Variants in EPHA8 observed in about 807,000 individuals in gnomAD.
EPHA8 encodes EPH receptor A8, also known as ephrin type-A receptor 8.
In EPHA8, 58 loss-of-function variants were observed where a neutral mutation model predicts 103.6. The observed-to-expected ratio is 0.56, with a 90% CI of 0.45 to 0.70. The LOEUF (loss-of-function observed/expected upper bound fraction) is 0.70. Ranked by LOEUF, EPHA8 falls within the 30% of genes least tolerant of loss-of-function variation. The pLI is 0.00. For missense variants in EPHA8, 1,304 were observed against 1,395.2 expected (o/e 0.93, Z 1.04); for synonymous variants, 559 against 572.5 (o/e 0.98, Z 0.34).
chr1:22,592,209 C>G (rs1261422583), intron 5 of EPHA8, among the ~76,000 whole-genome samples: 1 of 152,298 alleles, frequency 6.6e-6, no homozygotes, highest in East Asian at 1.9e-4. Flanking sequence ...CCATTCCCCT[C>G]CCGCTCTGGG....
chr1:22,578,701 GTGTGTA>G (rs1335326744), intron 3 of EPHA8, among the ~76,000 whole-genome samples: 1 of 130,716 alleles, frequency 7.7e-6, no homozygotes, highest in African/African-American at 2.5e-5. Context: ...GTGTGCCTGT[GTGTGTA>G]TGTATATGCA....
rs56796524 is a variant in EPHA8, at chr1:22,568,585, C to T, written c.95-704C>T. Among the ~76,000 whole-genome samples, 465 of 152,306 alleles carry T rather than the reference C, an allele frequency of 3.1e-3. 5 individuals are homozygous for T. The highest frequency in any genetic ancestry group is 1.0e-2 in the African/African-American group (414 of 41,578). ...ACTGGCCGCCTCTCAGGTTGTTGTGCGGGGTGCAGATGAGGCATCTCAAGC... is the reference window on the plus strand; with the variant it reads ...ACTGGCCGCCTCTCAGGTTGTTGTGTGGGGTGCAGATGAGGCATCTCAAGC... On this transcript the variant is annotated intron_variant, in intron 1 of 16. Transcript: ENST00000166244.
At position 22,600,822 on chromosome 1, in the gene EPHA8, G is replaced by A. The variant is rs201830273; in HGVS notation, c.2538+12G>A. On this transcript the variant is annotated intron_variant, in intron 14 of 16. Coordinates refer to ENST00000166244, the MANE Select transcript of EPHA8 (RefSeq NM_020526.5). ...TGACCAACCGGGATGTGAGTGCCAA[G>A]CCCTGGCAGGTCCGCGGGCGGTGGA... is the stretch of plus-strand genomic sequence containing the variant. The A allele has an allele frequency of 7.5e-6, 12 of 1,597,870 alleles. No individual in the cohort carries two copies. The highest frequency in any genetic ancestry group is 4.0e-5 in the African/African-American group (3 of 74,684).
rs1374472602 is a variant in EPHA8 at position 22,596,183 on chromosome 1, G to A, written c.1765+10G>A. The A allele has an allele frequency of 1.9e-6, 3 of 1,613,328 alleles. No individual in the cohort carries two copies. Among genetic ancestry groups the A allele is most frequent in the Non-Finnish European group, 1.7e-6 (2 of 1,179,560 alleles). On this transcript the variant is annotated intron_variant, in intron 9 of 16. Transcript: ENST00000166244. ...TATCAGAATGGACAGGGTGAGTGCA[G>A]GGGCCCGGTGGTCTGGGGCAGAGGG...
At chr1:22,583,492 C>A (rs981246477) in intron 3 of EPHA8, among the ~76,000 whole-genome samples, 2 of 152,192 alleles carry the variant, frequency 1.3e-5, no homozygotes, top group African/African-American at 2.4e-5. Context: ...CCCCGCCTGA[C>A]TGCACATTCT....
In EPHA8 at chr1:22,597,252, A is replaced by G; in HGVS notation, c.1766-60A>G. The G allele has an allele frequency of 2.3e-6, 3 of 1,287,516 alleles. No individual in the cohort carries two copies. Among genetic ancestry groups the G allele is most frequent in the Non-Finnish European group, 3.3e-6 (3 of 923,052 alleles). 79.8% of individuals were successfully genotyped at this position (1,287,516 alleles called of 1,614,324 possible). Reference sequence around the variant, plus strand: ...CCCCAGACCCATCCCAGGCCCAGGGAATGTCAGGAAAAAGCAATCTCTCCT... The same window carrying G: ...CCCCAGACCCATCCCAGGCCCAGGGGATGTCAGGAAAAAGCAATCTCTCCT... On this transcript the variant is annotated intron_variant, in intron 9 of 16. Transcript: ENST00000166244. This position sits in a 1 kb window ranked among gnomAD's most constrained non-coding sequence, Gnocchi z 4.6.
At chr1:22,568,343 G>C (rs1640425701) in intron 1 of EPHA8, among the ~76,000 whole-genome samples, 1 of 152,204 alleles carries the variant, frequency 6.6e-6, no homozygotes, top group Non-Finnish European at 1.5e-5. Context: ...GCCTGACTTA[G>C]AGTGACTTTG....
In EPHA8 at chr1:22,586,541, C is replaced by G; in HGVS notation, c.885C>G (p.Pro295=). Residue 295 remains proline (P), a synonymous_variant, in exon 4 of 17, where the codon CCC becomes CCG. Transcript: ENST00000166244. ...PGDQLCARCP[P]HSHSAAPAAQ... ...ACCAGCTGTGTGCCCGCTGCCCTCC[C>G]CACAGCCACTCCGCAGCTCCAGCCG... 3 of 1,613,884 alleles carry G rather than the reference C, an allele frequency of 1.9e-6. No individual in the cohort carries two copies. Among genetic ancestry groups the G allele is most frequent in the Non-Finnish European group, 2.5e-6 (3 of 1,179,958 alleles).
chr1:22,595,355 C>T, intron 8 of EPHA8, 32 bp downstream of exon 8: 1 of 1,590,404 alleles, frequency 6.3e-7, no homozygotes, highest in Non-Finnish European at 8.6e-7. Context: ...CACCCAGCCC[C>T]TCCTCTCAAG....
chr1:22,572,418 C>A (rs138862591), intron 2 of EPHA8, among the ~76,000 whole-genome samples: 3 of 152,350 alleles, frequency 2.0e-5, no homozygotes, highest in Non-Finnish European at 4.4e-5. Flanking sequence ...TGAATACTCT[C>A]AGAGGCAAAG....
chr1:22,600,655 T>C lies in EPHA8; in HGVS notation c.2389-6T>C, dbSNP rs752902418. 8.1e-6 allele frequency: 13 copies of C among 1,612,764 alleles called. No individual in the cohort carries two copies. In the Admixed American group the frequency reaches 2.2e-4, roughly 27 times the overall value. ...CAGCCCCTCAACTCTTGTGTGTCCG[T>C]CGCAGGGCGGGAAGATCCCCATCCG... On this transcript the variant is annotated splice_region_variant and splice_polypyrimidine_tract_variant and intron_variant, in intron 13 of 16. Coordinates refer to ENST00000166244, the MANE Select transcript of EPHA8 (RefSeq NM_020526.5).
At chr1:22,564,347 G>C (rs1388176227) in intron 1 of EPHA8, among the ~76,000 whole-genome samples, 1 of 151,550 alleles carries the variant, frequency 6.6e-6, no homozygotes. Context: ...GTCTGGCGAC[G>C]GGCTGGGGAG....
rs375608379 is a variant in EPHA8, at chr1:22,593,703, G to C, written c.1603+17G>C. 6.4e-7 allele frequency: 1 copy of C among 1,566,462 alleles called. No individual in the cohort carries two copies. The highest frequency in any genetic ancestry group is 1.8e-5 in the Admixed American group (1 of 54,268). ...GGAAACCCCGTGAGTGCAGGGAGGGGGCGTGGGCGCGGAGCAGCCCAGGTG... is the reference window on the plus strand; with the variant it reads ...GGAAACCCCGTGAGTGCAGGGAGGGCGCGTGGGCGCGGAGCAGCCCAGGTG... On this transcript the variant is annotated intron_variant, in intron 7 of 16. Transcript: ENST00000166244.
intron 3 of EPHA8, among the ~76,000 whole-genome samples, chr1:22,581,344 TCGGCCAC>T (rs1641041053): frequency 6.6e-6 from 1 of 152,232 alleles, no homozygotes; most frequent in East Asian, 1.9e-4. Flanking sequence ...GCACTCAGGG[TCGGCCAC>T]CGTCCCCAAG....
intron 2 of EPHA8, among the ~76,000 whole-genome samples, chr1:22,573,168 C>T (rs1188141105): frequency 1.1e-4 from 16 of 152,184 alleles, no homozygotes; most frequent in African/African-American, 3.9e-4. Flanking sequence ...GAAGCCTAAA[C>T]TCTTTCAGGT....
chr1:22,570,185 T>C (rs1640484498), intron 2 of EPHA8, among the ~76,000 whole-genome samples: 1 of 152,194 alleles, frequency 6.6e-6, no homozygotes, highest in African/African-American at 2.4e-5. Flanking sequence ...CTCACGTGTG[T>C]TCTCTCACAC....
At chr1:22,596,067 G>A (rs209691) in intron 8 of EPHA8, 39 bp from the exon 9 acceptor site, 688,412 of 1,604,574 alleles carry the variant, frequency 0.43, 154,585 homozygotes, top group African/African-American at 0.74. Flanking sequence ...CGGGCTAGGG[G>A]TGGCCTGGCC....
rs1216966524 is a variant in EPHA8 at position 22,601,404 on chromosome 1, G to A, written c.2834G>A (p.Gly945Asp). ...VGDWLDSIRM[G>D]RYRDHFAAGG... Reference sequence around the variant, plus strand: ...GACTGGCTGGACTCCATCCGCATGGGCCGGTACCGAGACCACTTCGCTGCG... The same window carrying A: ...GACTGGCTGGACTCCATCCGCATGGACCGGTACCGAGACCACTTCGCTGCG... The change falls in exon 16 of 17, where the codon GGC becomes GAC. Residue 945 changes from glycine to aspartate, a missense_variant. Transcript: ENST00000166244. 6 of 1,611,370 alleles carry A rather than the reference G, an allele frequency of 3.7e-6. No homozygotes were observed. In the African/African-American group the frequency reaches 5.3e-5, roughly 14 times the overall value.
At position 22,598,319 on chromosome 1, in the gene EPHA8, C is replaced by T. The variant is rs1641581712; in HGVS notation, c.2178+107C>T. 8.8e-7 allele frequency: 1 copy of T among 1,141,972 alleles called. No homozygotes were observed. The highest frequency in any genetic ancestry group is 1.3e-6 in the Non-Finnish European group (1 of 793,768). The allele number at this position is 1,141,972 out of a possible 1,614,324, so 70.7% of individuals were successfully genotyped here. ...TAAGCCCCCTCCCTGGCTTGGACAC[C>T]ACAGGCCGGGGGACAGGAGGCAGGT... On this transcript the variant is annotated intron_variant, in intron 12 of 16. Coordinates refer to ENST00000166244, the MANE Select transcript of EPHA8 (RefSeq NM_020526.5). This position sits in a 1 kb window ranked among gnomAD's most constrained non-coding sequence, Gnocchi z 5.1.
Sources: gnomAD v4.1 joint callset for allele counts (sites outside exome capture counted in the v4.1 genomes callset) on GRCh38, gnomAD v4.1.1 for gene constraint, Gnocchi (gnomAD v3.1) non-coding constraint, MANE v1.5 for transcripts, NCBI Gene and HGNC (gene_info 2026-07-23, HGNC 2026-07-21) for gene names.